The following IL1RAPL2 variants were observed in gnomAD, a reference collection of about 807,000 sequenced individuals.
IL1RAPL2 encodes X-linked interleukin-1 receptor accessory protein-like 2.
A neutral mutation model predicts 44.1 loss-of-function variants in IL1RAPL2; 3 were observed. The observed-to-expected ratio is 0.07, with a 90% CI of 0.03 to 0.18. The LOEUF (loss-of-function observed/expected upper bound fraction) is 0.18, where lower values mean the gene tolerates loss of function less well. Ranked by LOEUF, IL1RAPL2 falls within the 10% of genes least tolerant of loss-of-function variation. The pLI is 1.00. For synonymous variants in IL1RAPL2, 181 were observed against 178.8 expected (o/e 1.01, Z -0.10); for missense variants, 391 against 496.4 (o/e 0.79, Z 2.02).
At chrX:105,215,348 T>C (rs1322244347) in intron 3 of IL1RAPL2, among the ~76,000 whole-genome samples, 1 of 111,644 alleles carries the variant, frequency 9.0e-6, no homozygotes, top group Non-Finnish European at 1.9e-5. Flanking sequence ...GCAAATAAAC[T>C]AGAAAATCTA....
intron 5 of IL1RAPL2, among the ~76,000 whole-genome samples, chrX:105,297,205 C>T (rs1389841881): frequency 9.0e-6 from 1 of 111,433 alleles, no homozygotes; most frequent in African/African-American, 3.3e-5. Flanking sequence ...GTGCTTTGCA[C>T]TTTGGGGGAA....
chrX:104,848,282 G>T (rs60750015), intron 2 of IL1RAPL2, among the ~76,000 whole-genome samples: 1 of 107,996 alleles, frequency 9.3e-6, no homozygotes, highest in African/African-American at 3.4e-5. Flanking sequence ...TGTTAAGACC[G>T]TCACAGACAT....
chrX:105,045,952 T>C (rs1205744536), intron 2 of IL1RAPL2, among the ~76,000 whole-genome samples: 1 of 111,298 alleles, frequency 9.0e-6, no homozygotes, highest in Non-Finnish European at 1.9e-5. Flanking sequence ...TAACCTTTGG[T>C]CTTTCCTATT....
At chrX:104,745,836 A>G (rs1932165479) in intron 2 of IL1RAPL2, among the ~76,000 whole-genome samples, 1 of 111,612 alleles carries the variant, frequency 9.0e-6, no homozygotes, top group Admixed American at 9.5e-5. Flanking sequence ...TGAAATATAT[A>G]TTAGAGAACA....
At chrX:105,051,273 C>G (rs1350805574) in intron 2 of IL1RAPL2, among the ~76,000 whole-genome samples, 1 of 98,740 alleles carries the variant, frequency 1.0e-5, no homozygotes, top group Non-Finnish European at 2.0e-5. Flanking sequence ...AGCAGACACC[C>G]CGAGCCTGCA....
chrX:105,721,025 T>C (rs746515793), intron 7 of IL1RAPL2, among the ~76,000 whole-genome samples: 1 of 111,173 alleles, frequency 9.0e-6, no homozygotes, highest in African/African-American at 3.3e-5. Flanking sequence ...GCAGCTTTCT[T>C]CATAATCGTC....
intron 1 of IL1RAPL2, among the ~76,000 whole-genome samples, chrX:104,601,464 C>G (rs1928882252): frequency 9.0e-6 from 1 of 111,413 alleles, no homozygotes. Context: ...GGTACATGTG[C>G]AGGTTTGTTA....
At chrX:104,740,567 A>G (rs1230179479) in intron 2 of IL1RAPL2, among the ~76,000 whole-genome samples, 1 of 110,956 alleles carries the variant, frequency 9.0e-6, no homozygotes, top group Non-Finnish European at 1.9e-5. Flanking sequence ...ATGAAAACCC[A>G]TTTATTCTAT....
At chrX:105,090,650 C>A (rs2032534060) in intron 2 of IL1RAPL2, among the ~76,000 whole-genome samples, 1 of 112,473 alleles carries the variant, frequency 8.9e-6, no homozygotes, top group Admixed American at 9.4e-5. Flanking sequence ...ATGTATGATT[C>A]TCTTAGGGCT....
At chrX:105,195,805 A>G (rs974298648) in intron 3 of IL1RAPL2, 57 bp downstream of exon 3, 1 of 1,097,466 alleles carries the variant, frequency 9.1e-7, no homozygotes, top group African/African-American at 1.8e-5. Context: ...TTTGAGTGGG[A>G]CTTGAGTACA....
At chrX:104,993,317 C>T (rs1036968729) in intron 2 of IL1RAPL2, among the ~76,000 whole-genome samples, 2 of 111,326 alleles carry the variant, frequency 1.8e-5, no homozygotes, top group African/African-American at 6.5e-5. Context: ...TTGGCACCCT[C>T]TGTGAATGTC....
chrX:104,599,650 GCACACACACA>G lies in IL1RAPL2; in HGVS notation c.-20+32635_-20+32644del, dbSNP rs35769134. ...GAAAAGGAAACTTTTGATGGATTTA[GCACACACACA>G]CACACACACACACACACACACACAC... On this transcript the variant is annotated intron_variant, in intron 1 of 10. Transcript: ENST00000372582. Among the ~76,000 whole-genome samples the G allele has an allele frequency of 4.7e-3, 401 of 86,151 alleles. 2 individuals are homozygous for G. The highest frequency in any genetic ancestry group is 0.014 in the African/African-American group (349 of 24,241). 74.8% of individuals were successfully genotyped at this position (86,151 alleles called of 115,157 possible).
intron 2 of IL1RAPL2, among the ~76,000 whole-genome samples, chrX:104,671,194 A>G (rs1036196462): frequency 9.0e-6 from 1 of 110,821 alleles, no homozygotes; most frequent in African/African-American, 3.3e-5. Flanking sequence ...ACACACACAC[A>G]CGCACACACA....
intron 2 of IL1RAPL2, among the ~76,000 whole-genome samples, chrX:104,947,416 T>A (rs1179640881): frequency 1.0e-5 from 1 of 97,008 alleles, no homozygotes; most frequent in African/African-American, 3.8e-5. Flanking sequence ...AGCTCTTTAG[T>A]TTAATTAGAT....
At chrX:105,264,079 G>T (rs2034382330) in intron 4 of IL1RAPL2, among the ~76,000 whole-genome samples, 1 of 111,214 alleles carries the variant, frequency 9.0e-6, no homozygotes, top group Non-Finnish European at 1.9e-5. Flanking sequence ...ATCTCATCTT[G>T]AATTGTAGTT....
intron 2 of IL1RAPL2, among the ~76,000 whole-genome samples, chrX:105,178,101 A>T (rs2033493099): frequency 9.0e-6 from 1 of 111,584 alleles, no homozygotes; most frequent in African/African-American, 3.3e-5. Flanking sequence ...CCATATGTTT[A>T]TACCTATTAA....
At chrX:104,992,724 G>T in intron 2 of IL1RAPL2, among the ~76,000 whole-genome samples, 1 of 109,928 alleles carries the variant, frequency 9.1e-6, no homozygotes, top group Non-Finnish European at 1.9e-5. Flanking sequence ...GAGTGTTTGA[G>T]ATTTAACTTT....
intron 2 of IL1RAPL2, among the ~76,000 whole-genome samples, chrX:104,963,918 C>CGT (rs1188666209): frequency 0.062 from 5,518 of 89,143 alleles, 426 homozygotes; most frequent in African/African-American, 0.22. Flanking sequence ...ATAGGATGTG[C>CGT]GTGTGTGTGT....
chrX:104,769,674 T>C (rs1931898379), intron 2 of IL1RAPL2, among the ~76,000 whole-genome samples: 2 of 112,070 alleles, frequency 1.8e-5, no homozygotes, highest in Admixed American at 1.9e-4. Flanking sequence ...CTTGCCTTGA[T>C]ATAATAGTTC....
Sources: allele counts gnomAD v4.1 joint callset (sites outside exome capture counted in the v4.1 genomes callset), GRCh38; gene constraint gnomAD v4.1.1; transcripts MANE v1.5; gene names NCBI Gene and HGNC (gene_info 2026-07-23, HGNC 2026-07-21).